Variants in SYN1 observed in about 807,000 individuals in gnomAD.
SYN1 encodes the protein synapsin-1.
Under a neutral mutation model 44.6 loss-of-function variants are expected in SYN1, and 8 were observed. The observed-to-expected ratio is 0.18, with a 90% CI of 0.11 to 0.32. The LOEUF is 0.32. Among genes scored for constraint, SYN1 ranks in the 10% least tolerant of loss-of-function variants. SYN1 has a pLI of 1.00. For synonymous variants in SYN1, 275 were observed against 280.1 expected (o/e 0.98, Z 0.18); for missense variants, 451 against 639.4 (o/e 0.71, Z 3.18).
At chrX:47,576,463 G>C in intron 7 of SYN1, 35 bp downstream of exon 7, 2 of 1,212,267 alleles carry the variant, frequency 1.6e-6, no homozygotes, top group Non-Finnish European at 2.2e-6. Context: ...GGCAAGGCAG[G>C]GGACCCCTTC....
rs2057761196 is a variant in SYN1 at position 47,572,015 on chromosome X, C to G, written c.*849G>C. ...GAAGGTCAGGGGGAGGTGCGGACCA[C>G]ATAAACAGCGTCACTGCACGCATCA... On this transcript the variant is annotated 3_prime_UTR_variant, in exon 13 of 13. Transcript: ENST00000295987. 1 of 141,392 alleles carries G rather than the reference C, an allele frequency of 7.1e-6. No individual in the cohort carries two copies. Among genetic ancestry groups the G allele is most frequent in the South Asian group, 3.2e-4 (1 of 3,133 alleles). The allele number at this position is 141,392 out of a possible 1,213,427, so 11.7% of individuals were successfully genotyped here.
chrX:47,593,806 C>T (rs1174897301), intron 5 of SYN1, among the ~76,000 whole-genome samples: 1 of 111,948 alleles, frequency 8.9e-6, no homozygotes, highest in Non-Finnish European at 1.9e-5. Flanking sequence ...CTAATGGGGT[C>T]GATTTTGGTA....
At chrX:47,585,397 G>A in intron 5 of SYN1, 2 of 1,201,733 alleles carry the variant, frequency 1.7e-6, no homozygotes, top group Non-Finnish European at 2.2e-6. Flanking sequence ...TAGCAACCAC[G>A]AGGGGGCGAG....
chrX:47,585,116 G>A (rs2057817556), intron 5 of SYN1: 1 of 1,166,242 alleles, frequency 8.6e-7, no homozygotes, highest in Admixed American at 2.4e-5. Context: ...AGTTGGCTGT[G>A]ATCTTGGGAT....
rs185242207 is a variant in SYN1, at chrX:47,606,896, G to A, written c.527+49C>T. ...GGAACTTTCCCCCAGCTCTAAGGGA[G>A]AGTTCTTATGCCTTGCTCATAACAC... On this transcript the variant is annotated intron_variant, in intron 3 of 12. Coordinates refer to ENST00000295987, the MANE Select transcript of SYN1 (RefSeq NM_006950.3). 1.5e-4 allele frequency: 167 copies of A among 1,123,373 alleles called. No homozygotes were observed. The African/African-American group carries it at 2.5e-3, about 17-fold the overall frequency. The allele number at this position is 1,123,373 out of a possible 1,213,427, so 92.6% of individuals were successfully genotyped here.
chrX:47,596,014 C>T (rs1166577285), intron 5 of SYN1, among the ~76,000 whole-genome samples: 1 of 112,475 alleles, frequency 8.9e-6, no homozygotes, highest in Admixed American at 9.4e-5. Context: ...TTCTCTTGTA[C>T]ACATCCCCTT....
intron 1 of SYN1, among the ~76,000 whole-genome samples, chrX:47,609,375 T>A (rs892436673): frequency 8.9e-6 from 1 of 111,772 alleles, no homozygotes; most frequent in African/African-American, 3.3e-5. Context: ...CCTCCTTGCC[T>A]CAATCTGGGC....
At chrX:47,585,622 C>G (rs769335774) in intron 5 of SYN1, 4 of 1,159,887 alleles carry the variant, frequency 3.4e-6, no homozygotes, top group African/African-American at 3.9e-5. Flanking sequence ...TAGCTCAGCG[C>G]CGGGGCTTCA....
Position 47,572,722 on chromosome X carries a change from G to A in SYN1, c.*142C>T. 3 of 921,279 alleles carry A rather than the reference G, an allele frequency of 3.3e-6. No individual in the cohort carries two copies. Among genetic ancestry groups the A allele is most frequent in the Non-Finnish European group, 3.1e-6 (2 of 655,346 alleles). The allele number at this position is 921,279 out of a possible 1,213,427, so 75.9% of individuals were successfully genotyped here. ...AGGAGTCAGGTTTCTCAAGGTACTC[G>A]GGGATCTTGAGGAATGAGAGGTGGA... On this transcript the variant is annotated 3_prime_UTR_variant, in exon 13 of 13. Coordinates refer to ENST00000295987, the MANE Select transcript of SYN1 (RefSeq NM_006950.3).
At chrX:47,586,143 C>T (rs919265174) in intron 5 of SYN1, 327 of 939,300 alleles carry the variant, frequency 3.5e-4, no homozygotes, top group Admixed American at 1.0e-3. Context: ...TCCTGATGGC[C>T]TCTGAGCCCA....
intron 5 of SYN1, chrX:47,586,597 G>T: frequency 8.3e-7 from 1 of 1,211,987 alleles, no homozygotes; most frequent in Non-Finnish European, 1.1e-6. Context: ...CTCCTCCAAG[G>T]CTCTGAAAAG....
At position 47,619,798 on chromosome X, in the gene SYN1, C is replaced by G. The variant is rs1398859234; in HGVS notation, c.-70G>C. On this transcript the variant is annotated 5_prime_UTR_variant, in exon 1 of 13. Coordinates refer to ENST00000295987, the MANE Select transcript of SYN1 (RefSeq NM_006950.3). ...AGCCGCGGGGGCGGACTGCGCGGTG[C>G]CCAGGAGCACAGCTGCGCTCTCAGG... is the stretch of plus-strand genomic sequence containing the variant. 9.4e-7 allele frequency: 1 copy of G among 1,061,666 alleles called. No homozygotes were observed. Among genetic ancestry groups the G allele is most frequent in the African/African-American group, 1.9e-5 (1 of 53,293 alleles). 87.5% of individuals were successfully genotyped at this position (1,061,666 alleles called of 1,213,427 possible). A position where few individuals can be genotyped will look rare whatever the true frequency, so the allele number is the denominator to read the frequency against.
In SYN1 at chrX:47,602,694, C is replaced by T. The variant is rs2057883618; in HGVS notation, c.774+2284G>A. ...AATCTTTATCTGTAAGTAAACTTAA[C>T]TTACAACACTGTTGACGTATATCAG... is the stretch of plus-strand genomic sequence containing the variant. On this transcript the variant is annotated intron_variant, in intron 5 of 12. Coordinates refer to ENST00000295987, the MANE Select transcript of SYN1 (RefSeq NM_006950.3). Among the ~76,000 whole-genome samples, 3 of 111,078 alleles carry T rather than the reference C, an allele frequency of 2.7e-5. No homozygotes were observed. The South Asian group carries it at 1.1e-3, about 41-fold the overall frequency.
intron 5 of SYN1, among the ~76,000 whole-genome samples, chrX:47,578,769 G>A: frequency 8.9e-6 from 1 of 111,772 alleles, no homozygotes; most frequent in East Asian, 2.8e-4. Context: ...TAGAGAGATG[G>A]CATTCCCGGA....
chrX:47,619,537 G>A lies in SYN1; in HGVS notation c.192C>T (p.Ala64=), dbSNP rs746171995. The A allele has an allele frequency of 2.5e-6, 3 of 1,189,563 alleles. No homozygotes were observed. Among genetic ancestry groups the A allele is most frequent in the Non-Finnish European group, 3.4e-6 (3 of 886,638 alleles). Reference sequence around the variant, plus strand: ...CCCCCGAGGACCCGGGGCTAGGGGCGGCCGGAGAGGCCGCTGGGGCGACCC... The same window carrying A: ...CCCCCGAGGACCCGGGGCTAGGGGCAGCCGGAGAGGCCGCTGGGGCGACCC... The part of the protein sequence containing the change: ...SSGVAPAASP[A]APSPGSSGGG... Residue 64 remains alanine, a synonymous_variant, in exon 1 of 13, where the codon GCC becomes GCT. Coordinates refer to ENST00000295987, the MANE Select transcript of SYN1 (RefSeq NM_006950.3).
At chrX:47,586,057 T>C in intron 5 of SYN1, 1 of 966,284 alleles carries the variant, frequency 1.0e-6, no homozygotes, top group Non-Finnish European at 1.3e-6. Flanking sequence ...CTTGTTGCTC[T>C]GCAGCTCTGA....
In SYN1 at chrX:47,575,223, G is replaced by T; in HGVS notation, c.1210C>A (p.Gln404Lys). Residue 404 changes from glutamine (Q) to lysine (K), a missense_variant, in exon 10 of 13, where the codon CAG (glutamine) becomes AAG (lysine). This residue lies in a region of SYN1 where 315 missense variants were observed against 451.4 expected (regional missense o/e 0.70). Coordinates refer to ENST00000295987, the MANE Select transcript of SYN1 (RefSeq NM_006950.3). ...LIGDHQDEDKQLIVELVVNKM... is the reference protein window; with the variant it reads ...LIGDHQDEDKKLIVELVVNKM... ...TTGACCACGAGCTCTACGATGAGCT[G>T]TTTGTCTTCATCCTGGTGGTCACCA... 8.3e-7 allele frequency: 1 copy of T among 1,208,160 alleles called. No individual in the cohort carries two copies.
chrX:47,591,734 A>T (rs1441045883), intron 5 of SYN1, among the ~76,000 whole-genome samples: 1 of 106,386 alleles, frequency 9.4e-6, no homozygotes, highest in Non-Finnish European at 1.9e-5. Flanking sequence ...AAAAAAAAAA[A>T]GTTAGTATAT....
rs1385019429 is a variant in SYN1 at position 47,574,713 on chromosome X, CG to C, written c.1367del (p.Pro456ArgfsTer211). ...RQTSQQPAGPPAQQRPPPQGG... is the reference protein window; with the variant it reads ...RQTSQQPAGPXAQQRPPPQGG... The stretch of plus-strand genomic sequence containing the variant: ...CCTGTGGTGGGGGTCGCTGCTGAGC[CG>C]GGGGCCCTGCGGGCTGCTGGGAGGT... On this transcript the variant is annotated frameshift_variant, in exon 11 of 13. Coordinates refer to ENST00000295987, the MANE Select transcript of SYN1 (RefSeq NM_006950.3). LOFTEE classifies it high-confidence loss of function. The C allele has an allele frequency of 1.7e-6, 2 of 1,184,839 alleles. No individual in the cohort carries two copies. The highest frequency in any genetic ancestry group is 2.5e-5 in the Admixed American group (1 of 40,798).
Sources: allele counts gnomAD v4.1 joint callset (sites outside exome capture counted in the v4.1 genomes callset), GRCh38; gene constraint gnomAD v4.1.1; regional missense constraint gnomAD v4.1.1; transcripts MANE v1.5; gene names NCBI Gene and HGNC (gene_info 2026-07-23, HGNC 2026-07-21).